Variants in TUSC3 observed in about 807,000 individuals in gnomAD.
TUSC3 encodes the protein dolichyl-diphosphooligosaccharide--protein glycosyltransferase subunit TUSC3.
Under a neutral mutation model 44.8 loss-of-function variants are expected in TUSC3, and 45 were observed. The observed-to-expected ratio is 1.00, with a 90% CI of 0.79 to 1.29. TUSC3 has a LOEUF of 1.29. TUSC3 is among the 50% of genes most tolerant of loss of function. TUSC3 has a pLI of 0.00. For missense variants in TUSC3, 519 were observed against 437.9 expected, an observed-to-expected ratio of 1.19 and a Z score of -1.65; for synonymous variants, 212 against 152.9, an observed-to-expected ratio of 1.39 and a Z score of -2.85.
chr8:15,524,405 C>T lies in TUSC3; in HGVS notation n.189+40922C>T, dbSNP rs111742474. 3.1e-3 allele frequency among the ~76,000 whole-genome samples: 470 copies of T among 152,194 alleles called. 5 individuals are homozygous for T. Among genetic ancestry groups the T allele is most frequent in the African/African-American group, 0.011 (453 of 41,522 alleles). ...TGTAAATAATTCCTAAATTCATTTA[C>T]CTTTGAGTTTGGAATAGTGTGAACT... On this transcript the variant is annotated intron_variant and non_coding_transcript_variant, in intron 2 of 5. Transcript: ENST00000503191.
At chr8:15,637,340 A>T (rs1236741793) in intron 2 of TUSC3, among the ~76,000 whole-genome samples, 1 of 152,152 alleles carries the variant, frequency 6.6e-6, no homozygotes, top group Non-Finnish European at 1.5e-5. Context: ...TTTGTAATAC[A>T]GACTTCATTT....
intron 1 of TUSC3, among the ~76,000 whole-genome samples, chr8:15,437,203 A>T (rs765726295): frequency 6.6e-6 from 1 of 152,204 alleles, no homozygotes; most frequent in Admixed American, 6.5e-5. Context: ...GTATTACATG[A>T]ACAAAGAATA....
intron 5 of TUSC3, among the ~76,000 whole-genome samples, chr8:15,663,296 GTAATA>G (rs1807509114): frequency 6.8e-6 from 1 of 146,564 alleles, no homozygotes; most frequent in African/African-American, 2.4e-5. Context: ...AGTATTGTCT[GTAATA>G]TAATAAAAAT....
chr8:15,581,312 T>C (rs1257043657), intron 1 of TUSC3, among the ~76,000 whole-genome samples: 2 of 149,062 alleles, frequency 1.3e-5, no homozygotes, highest in Non-Finnish European at 3.0e-5. Context: ...CCTTCTTCTC[T>C]CAGCTCGTCA....
intron 1 of TUSC3, among the ~76,000 whole-genome samples, chr8:15,479,778 A>T (rs1430444492): frequency 6.6e-6 from 1 of 152,052 alleles, no homozygotes; most frequent in East Asian, 1.9e-4. Context: ...CTTTTTCAAC[A>T]TAGTTTTGGA....
the TUSC3 span, among the ~76,000 whole-genome samples, chr8:15,789,718 A>C: frequency 6.6e-6 from 1 of 152,194 alleles, no homozygotes; most frequent in Non-Finnish European, 1.5e-5. Context: ...ATTTGCCAGG[A>C]GCCAAGAACT....
At chr8:15,646,632 A>T (rs1285927598) in intron 2 of TUSC3, among the ~76,000 whole-genome samples, 1 of 152,066 alleles carries the variant, frequency 6.6e-6, no homozygotes, top group Non-Finnish European at 1.5e-5. Context: ...ACCCTCTTAA[A>T]ACATAATATT....
chr8:15,476,775 G>C (rs572239665), intron 1 of TUSC3, among the ~76,000 whole-genome samples: 52 of 152,336 alleles, frequency 3.4e-4, no homozygotes, highest in African/African-American at 1.2e-3. Context: ...ACCCTCTAGA[G>C]GTTTCCTATT....
At chr8:15,502,907 T>C (rs1023612701) in intron 2 of TUSC3, among the ~76,000 whole-genome samples, 2 of 152,254 alleles carry the variant, frequency 1.3e-5, no homozygotes, top group Non-Finnish European at 1.5e-5. Flanking sequence ...CCTTACATGT[T>C]TGACGAAGTC....
At chr8:15,786,772 T>C in the TUSC3 span, among the ~76,000 whole-genome samples, 1 of 151,282 alleles carries the variant, frequency 6.6e-6, no homozygotes, top group South Asian at 2.1e-4. Flanking sequence ...TGAAACCCTG[T>C]CTCTGCTAAA....
At chr8:15,471,819 C>T (rs1016555895) in intron 1 of TUSC3, among the ~76,000 whole-genome samples, 8 of 151,900 alleles carry the variant, frequency 5.3e-5, no homozygotes, top group Middle Eastern at 3.2e-3. Flanking sequence ...GGTTTTGCCA[C>T]GTTGGCCAGG....
intron 2 of TUSC3, among the ~76,000 whole-genome samples, chr8:15,632,463 G>A (rs1475338646): frequency 6.6e-6 from 1 of 152,098 alleles, no homozygotes; most frequent in African/African-American, 2.4e-5. Flanking sequence ...CTTGATTAGG[G>A]TGATGGTTGT....
intron 6 of TUSC3, among the ~76,000 whole-genome samples, chr8:15,684,054 G>A (rs1359701338): frequency 6.6e-6 from 1 of 150,700 alleles, no homozygotes; most frequent in African/African-American, 2.4e-5. Flanking sequence ...TAGGATCTTA[G>A]TCGTGCTCTC....
chr8:15,445,895 G>C (rs1354355453), intron 1 of TUSC3, among the ~76,000 whole-genome samples: 1 of 151,418 alleles, frequency 6.6e-6, no homozygotes, highest in South Asian at 2.1e-4. Context: ...CCCAGACGGG[G>C]CGGCCGGGCG....
At chr8:15,428,916 AG>A (rs1422904027) in intron 1 of TUSC3, among the ~76,000 whole-genome samples, 15 of 152,214 alleles carry the variant, frequency 9.9e-5, no homozygotes, top group African/African-American at 3.6e-4. Flanking sequence ...CCCATTCTGT[AG>A]GTTGCCTGTT....
At chr8:15,771,718 C>G in the TUSC3 span, among the ~76,000 whole-genome samples, 1 of 152,080 alleles carries the variant, frequency 6.6e-6, no homozygotes. Flanking sequence ...AACAAAAATT[C>G]TACATACCAA....
downstream of TUSC3, among the ~76,000 whole-genome samples, chr8:15,771,611 AAACT>A (rs1376908308): frequency 6.6e-6 from 1 of 152,144 alleles, no homozygotes; most frequent in Non-Finnish European, 1.5e-5. Context: ...ATAAACTGGA[AAACT>A]AACAAATATG....
the TUSC3 span, among the ~76,000 whole-genome samples, chr8:15,818,280 A>G: frequency 2.6e-5 from 4 of 152,178 alleles, no homozygotes; most frequent in Non-Finnish European, 4.4e-5. Context: ...AGAAGCAAAT[A>G]CCATGTAAAG....
intron 1 of TUSC3, among the ~76,000 whole-genome samples, chr8:15,458,506 T>C (rs1800294142): frequency 6.6e-6 from 1 of 152,174 alleles, no homozygotes; most frequent in African/African-American, 2.4e-5. Context: ...CCCAAAGTGC[T>C]GGCCATACAG....
Sources: allele counts gnomAD v4.1 joint callset (sites outside exome capture counted in the v4.1 genomes callset), GRCh38; gene constraint gnomAD v4.1.1; transcripts MANE v1.5; gene names NCBI Gene and HGNC (gene_info 2026-07-23, HGNC 2026-07-21).